Variants in C11orf97 observed in about 807,000 individuals in gnomAD.
C11orf97 encodes the protein chromosome 11 open reading frame 97, also known as uncharacterized protein C11orf97.
Under a neutral mutation model 16.2 loss-of-function variants are expected in C11orf97, and 15 were observed. The observed-to-expected ratio is 0.93, with a 90% CI of 0.62 to 1.43. C11orf97 has a LOEUF of 1.43. Ranked by LOEUF, C11orf97 falls within the 40% of genes most tolerant of loss-of-function variation. The pLI, the probability that C11orf97 is intolerant of heterozygous loss-of-function variation, is 0.00. For synonymous variants in C11orf97, 61 were observed against 65.7 expected, an observed-to-expected ratio of 0.93 and a Z score of 0.34; for missense variants, 171 against 161.2, an observed-to-expected ratio of 1.06 and a Z score of -0.33.
chr11:94,525,003 G>C (rs1591749256), intron 2 of C11orf97, among the ~76,000 whole-genome samples: 1 of 145,158 alleles, frequency 6.9e-6, no homozygotes, highest in Non-Finnish European at 1.5e-5. Context: ...ATGTTGCAGT[G>C]GGCCGAGATC....
At chr11:94,528,623 G>A (rs1413753702) in intron 3 of C11orf97, among the ~76,000 whole-genome samples, 2 of 152,178 alleles carry the variant, frequency 1.3e-5, no homozygotes, top group Non-Finnish European at 2.9e-5. Context: ...ACTTTGCTTG[G>A]CTCTCTTAGT....
In C11orf97 at chr11:94,531,880, T is replaced by C; in HGVS notation, c.377-16T>C. The C allele has an allele frequency of 1.4e-6, 2 of 1,443,052 alleles. No homozygotes were observed. The highest frequency in any genetic ancestry group is 1.5e-5 in the African/African-American group (1 of 68,578). The allele number at this position is 1,443,052 out of a possible 1,614,324, so 89.4% of individuals were successfully genotyped here. ...AAGTAAAACACTTATTTTTTCACTT[T>C]TTTTTTTAACTCTAGGATAAGATGA... is the stretch of plus-strand genomic sequence containing the variant. On this transcript the variant is annotated splice_polypyrimidine_tract_variant and intron_variant, in intron 3 of 3. Coordinates refer to ENST00000542198, the MANE Select transcript of C11orf97 (RefSeq NM_001190462.2).
At chr11:94,522,027 CT>C in intron 2 of C11orf97, among the ~76,000 whole-genome samples, 1 of 152,346 alleles carries the variant, frequency 6.6e-6, no homozygotes, top group Admixed American at 6.5e-5. Flanking sequence ...GTTAAGCACT[CT>C]TTTTATTCAC....
intron 2 of C11orf97, among the ~76,000 whole-genome samples, chr11:94,523,778 A>G (rs1253846477): frequency 6.6e-6 from 1 of 152,248 alleles, no homozygotes; most frequent in African/African-American, 2.4e-5. Context: ...ATAGTTGTTC[A>G]GACTGGGGCT....
At chr11:94,531,526 CAAAAAAA>C (rs35270400) in intron 3 of C11orf97, among the ~76,000 whole-genome samples, 67 of 92,062 alleles carry the variant, frequency 7.3e-4, no homozygotes, top group Non-Finnish European at 1.1e-3. Context: ...CAAAACAAGC[CAAAAAAA>C]AAAAAAAAAA....
chr11:94,522,536 AAAAC>A (rs374923381), intron 2 of C11orf97, among the ~76,000 whole-genome samples: 107 of 151,810 alleles, frequency 7.0e-4, no homozygotes, highest in African/African-American at 1.6e-3. Context: ...ACTCCGTCTC[AAAAC>A]AAACAAACAA....
At chr11:94,524,365 G>A (rs1188710946) in intron 2 of C11orf97, among the ~76,000 whole-genome samples, 1 of 152,072 alleles carries the variant, frequency 6.6e-6, no homozygotes, top group Admixed American at 6.6e-5. Flanking sequence ...TAAAACATAA[G>A]ATTATGCCTT....
chr11:94,524,420 T>C (rs1947683119), intron 2 of C11orf97, among the ~76,000 whole-genome samples: 1 of 152,050 alleles, frequency 6.6e-6, no homozygotes, highest in Non-Finnish European at 1.5e-5. Flanking sequence ...GCAAGTAGTG[T>C]TCTATTCAGT....
rs570218481 is a variant in C11orf97, at chr11:94,527,588, T to C, written c.251-496T>C. On this transcript the variant is annotated intron_variant, in intron 2 of 3. Transcript: ENST00000542198. Reference sequence around the variant, plus strand: ...TAAAATGTAGGATCCAGTGAGTTTATTGTTGCTCTTTTTCAGAGGGAGATT... The same window carrying C: ...TAAAATGTAGGATCCAGTGAGTTTACTGTTGCTCTTTTTCAGAGGGAGATT... Among the ~76,000 whole-genome samples, 8 of 152,362 alleles carry C rather than the reference T, an allele frequency of 5.3e-5. No individual in the cohort carries two copies. The East Asian group carries it at 1.3e-3, about 26-fold the overall frequency.
intron 2 of C11orf97, among the ~76,000 whole-genome samples, chr11:94,523,386 C>T (rs1452972235): frequency 3.9e-5 from 6 of 152,200 alleles, no homozygotes; most frequent in Non-Finnish European, 7.3e-5. Flanking sequence ...ACTCCACATA[C>T]TCTGACAACA....
At chr11:94,529,683 C>A (rs675280) in intron 3 of C11orf97, among the ~76,000 whole-genome samples, 62,324 of 152,074 alleles carry the variant, frequency 0.41, 12,898 homozygotes, top group Non-Finnish European at 0.43. Context: ...AGTTCCAAGA[C>A]TATGGCCCAA....
At chr11:94,513,778 C>G (rs1320856946) in intron 1 of C11orf97, among the ~76,000 whole-genome samples, 1 of 152,196 alleles carries the variant, frequency 6.6e-6, no homozygotes, top group African/African-American at 2.4e-5. Context: ...ATTCAGTATA[C>G]TTGGGTAATG....
At chr11:94,529,590 T>C (rs1591751037) in intron 3 of C11orf97, among the ~76,000 whole-genome samples, 1 of 152,216 alleles carries the variant, frequency 6.6e-6, no homozygotes, top group Admixed American at 6.5e-5. Context: ...AGAGACACTT[T>C]ACTACCTACA....
At position 94,512,471 on chromosome 11, in the gene C11orf97, G is replaced by A; in HGVS notation, c.-58G>A. The A allele has an allele frequency of 8.0e-7, 1 of 1,256,874 alleles. No individual in the cohort carries two copies. Among genetic ancestry groups the A allele is most frequent in the Non-Finnish European group, 1.0e-6 (1 of 999,706 alleles). The allele number at this position is 1,256,874 out of a possible 1,614,324, so 77.9% of individuals were successfully genotyped here. Reference sequence around the variant, plus strand: ...CCCGAGACGCCTCGCATGCTGGGCTGCCTGCGACTGAGCTGAGAAGGAAAC... The same window carrying A: ...CCCGAGACGCCTCGCATGCTGGGCTACCTGCGACTGAGCTGAGAAGGAAAC... On this transcript the variant is annotated 5_prime_UTR_variant, in exon 1 of 4. Coordinates refer to ENST00000542198, the MANE Select transcript of C11orf97 (RefSeq NM_001190462.2).
rs577572672 is a variant in C11orf97, at chr11:94,527,104, A to T, written c.251-980A>T. 3.3e-5 allele frequency among the ~76,000 whole-genome samples: 5 copies of T among 152,354 alleles called. No homozygotes were observed. In the South Asian group the frequency reaches 8.3e-4, roughly 25 times the overall value. On this transcript the variant is annotated intron_variant, in intron 2 of 3. Transcript: ENST00000542198. ...ATTTCGAAAATGAGGAAATTAAGACATAGTGGGTTAAATAACTTGGTCAAA... is the reference window on the plus strand; with the variant it reads ...ATTTCGAAAATGAGGAAATTAAGACTTAGTGGGTTAAATAACTTGGTCAAA...
chr11:94,523,415 G>A (rs946862353), intron 2 of C11orf97, among the ~76,000 whole-genome samples: 5 of 152,174 alleles, frequency 3.3e-5, no homozygotes, highest in Admixed American at 6.5e-5. Context: ...GATTGTTGAA[G>A]GTGAGATTTC....
rs114593915 is a variant in C11orf97 at position 94,520,412 on chromosome 11, G to A, written c.250+2725G>A. ...TGTATAATTTAGAGGTCTCAGTCAT[G>A]GGCTCTTTTCTCTACCTACCCTCAC... On this transcript the variant is annotated intron_variant, in intron 2 of 3. Transcript: ENST00000542198. Among the ~76,000 whole-genome samples, 529 of 152,172 alleles carry A rather than the reference G, an allele frequency of 3.5e-3. 1 individual carries two copies. Among genetic ancestry groups the A allele is most frequent in the African/African-American group, 0.012 (505 of 41,524 alleles).
Position 94,527,803 on chromosome 11 carries a change from TTC to T in C11orf97, c.251-277_251-276del, listed in dbSNP as rs555787353. On this transcript the variant is annotated intron_variant, in intron 2 of 3. Coordinates refer to ENST00000542198, the MANE Select transcript of C11orf97 (RefSeq NM_001190462.2). ...ATTTATTAACTGTTATTTCTGATCCTTCTCTGTTTTGTTATGTATGTTTCTAT... is the reference window on the plus strand; with the variant it reads ...ATTTATTAACTGTTATTTCTGATCCTTCTGTTTTGTTATGTATGTTTCTAT... 5.3e-5 allele frequency among the ~76,000 whole-genome samples: 8 copies of T among 152,376 alleles called. No individual in the cohort carries two copies. The East Asian group carries it at 1.5e-3, about 29-fold the overall frequency.
chr11:94,530,986 T>C (rs1947733866), intron 3 of C11orf97, among the ~76,000 whole-genome samples: 1 of 152,214 alleles, frequency 6.6e-6, no homozygotes, highest in Non-Finnish European at 1.5e-5. Flanking sequence ...ACAATTCACT[T>C]GTGCTTTTCT....
Sources: gnomAD v4.1 joint callset for allele counts (sites outside exome capture counted in the v4.1 genomes callset) on GRCh38, gnomAD v4.1.1 for gene constraint, MANE v1.5 for transcripts, NCBI Gene and HGNC (gene_info 2026-07-23, HGNC 2026-07-21) for gene names.